Variants in LRBA observed in about 807,000 individuals in gnomAD.
The protein encoded by LRBA is LPS responsive beige-like anchor protein, also known as lipopolysaccharide-responsive and beige-like anchor protein.
LRBA carries 176 observed loss-of-function variants against 330.0 expected under a neutral mutation model. The observed-to-expected ratio is 0.53, with a 90% CI of 0.47 to 0.60. The LOEUF (loss-of-function observed/expected upper bound fraction) is 0.60, where lower values mean the gene tolerates loss of function less well. Ranked by LOEUF, LRBA falls within the 20% of genes least tolerant of loss-of-function variation. The pLI, the probability that LRBA is intolerant of heterozygous loss-of-function variation, is 0.00. For missense variants in LRBA, 3,259 were observed against 3,444.8 expected (o/e 0.95, Z 1.35); for synonymous variants, 1,230 against 1,193.0 (o/e 1.03, Z -0.64).
intron 30 of LRBA, among the ~76,000 whole-genome samples, chr4:150,818,526 G>A (rs1216377902): frequency 4.6e-5 from 6 of 129,122 alleles, no homozygotes; most frequent in Non-Finnish European, 6.5e-5. Flanking sequence ...TAGATATGAC[G>A]AATGTCTGTG....
At chr4:150,846,703 T>G (rs1432627607) in intron 26 of LRBA, among the ~76,000 whole-genome samples, 1 of 152,136 alleles carries the variant, frequency 6.6e-6, no homozygotes, top group Non-Finnish European at 1.5e-5. Context: ...AAATTGCACT[T>G]GTACCCCATA....
intron 40 of LRBA, among the ~76,000 whole-genome samples, chr4:150,558,266 C>T (rs1334745499): frequency 6.6e-6 from 1 of 151,996 alleles, no homozygotes; most frequent in Non-Finnish European, 1.5e-5. Flanking sequence ...GAGTAATGGT[C>T]CATTTCTTTT....
intron 48 of LRBA, among the ~76,000 whole-genome samples, chr4:150,349,149 T>C (rs1736801033): frequency 6.6e-6 from 1 of 152,198 alleles, no homozygotes; most frequent in Non-Finnish European, 1.5e-5. Context: ...TTTAAATATG[T>C]ACTTACATAC....
At chr4:150,279,447 A>C (rs549679822) in intron 55 of LRBA, among the ~76,000 whole-genome samples, 12 of 152,342 alleles carry the variant, frequency 7.9e-5, no homozygotes, top group African/African-American at 2.6e-4. Flanking sequence ...ACCTGGACAC[A>C]GGGGAATACA....
intron 40 of LRBA, among the ~76,000 whole-genome samples, chr4:150,517,608 A>C (rs1268110682): frequency 6.6e-6 from 1 of 152,204 alleles, no homozygotes; most frequent in African/African-American, 2.4e-5. Context: ...AGGATGCATA[A>C]AAGTAAAATG....
At chr4:150,384,196 GC>G (rs1412773455) in intron 47 of LRBA, among the ~76,000 whole-genome samples, 1 of 151,780 alleles carries the variant, frequency 6.6e-6, no homozygotes, top group African/African-American at 2.4e-5. Flanking sequence ...GCACCACCAT[GC>G]CCGGCAAATT....
At chr4:150,960,097 A>T (rs748296675) in intron 2 of LRBA, among the ~76,000 whole-genome samples, 5 of 148,878 alleles carry the variant, frequency 3.4e-5, no homozygotes, top group Admixed American at 6.6e-5. Flanking sequence ...ATACAACTGG[A>T]TAATTAAATA....
intron 2 of LRBA, among the ~76,000 whole-genome samples, chr4:150,961,944 T>G (rs987040916): frequency 6.7e-6 from 1 of 149,304 alleles, no homozygotes; most frequent in Non-Finnish European, 1.5e-5. Flanking sequence ...GTATTTTTAT[T>G]TGAGGAAACT....
At chr4:150,804,494 C>A (rs1201144166) in intron 33 of LRBA, among the ~76,000 whole-genome samples, 3 of 152,164 alleles carry the variant, frequency 2.0e-5, no homozygotes, top group Non-Finnish European at 4.4e-5. Context: ...CCTTGCATTT[C>A]CATTATATCC....
chr4:150,506,158 G>A (rs929860355), intron 40 of LRBA, among the ~76,000 whole-genome samples: 2 of 152,176 alleles, frequency 1.3e-5, no homozygotes, highest in Admixed American at 6.5e-5. Context: ...GCAAGGAGGA[G>A]CTGGTATCAT....
In LRBA at chr4:150,600,654, A is replaced by T. The variant is rs1022429468; in HGVS notation, c.5922-1523T>A. 2.8e-4 allele frequency among the ~76,000 whole-genome samples: 42 copies of T among 152,274 alleles called. 1 individual carries two copies. The highest frequency in any genetic ancestry group is 9.4e-4 in the African/African-American group (39 of 41,582). ...TATAAGAATTGCAGTTCTCAAAAAG[A>T]AAAATTTAAAAAGCTATTATTATAT... On this transcript the variant is annotated intron_variant, in intron 37 of 56. Transcript: ENST00000651943.
chr4:150,761,585 T>C (rs1735092626), intron 35 of LRBA, among the ~76,000 whole-genome samples, 198 bp downstream of exon 35: 1 of 151,960 alleles, frequency 6.6e-6, no homozygotes, highest in Admixed American at 6.6e-5. Flanking sequence ...AAATCAGAAA[T>C]GTATCAGTAA....
At chr4:150,394,963 T>C (rs915173540) in intron 47 of LRBA, among the ~76,000 whole-genome samples, 3 of 152,246 alleles carry the variant, frequency 2.0e-5, no homozygotes, top group Admixed American at 6.5e-5. Context: ...ATTTGCAAGA[T>C]ATATTTATCA....
chr4:150,317,051 G>A (rs927262245), intron 50 of LRBA, among the ~76,000 whole-genome samples: 2 of 152,244 alleles, frequency 1.3e-5, no homozygotes, highest in Middle Eastern at 3.4e-3. Flanking sequence ...GAGGTCCTAT[G>A]TGAAACCTAG....
At chr4:150,723,736 G>A (rs1418578211) in intron 36 of LRBA, among the ~76,000 whole-genome samples, 3 of 152,226 alleles carry the variant, frequency 2.0e-5, no homozygotes, top group Non-Finnish European at 2.9e-5. Context: ...CTACATGGGG[G>A]TAGAGCAATA....
rs540488143 is a variant in LRBA, at chr4:150,705,834, T to C, written c.5755-22117A>G. 3.5e-4 allele frequency among the ~76,000 whole-genome samples: 54 copies of C among 152,118 alleles called. 3 individuals carry two copies. The South Asian group carries it at 0.011, about 32-fold the overall frequency. ...TATATATACTTCAGATCAAAGGCTA[T>C]GTCATACTTAGTAGGGAAACACTGA... On this transcript the variant is annotated intron_variant, in intron 36 of 56. Transcript: ENST00000651943.
rs773791282 is a variant in LRBA, at chr4:151,014,492, A to C, written c.151T>G (p.Leu51Val). ...TCTCCAACTTCAACCAAACCGGTCA[A>C]CACGGCAAATTTCATTCTGATGCCC... ...IRGIRMKFAV[L>V]TGLVEVGEVS... The change falls in exon 2 of 57, where the codon TTG (leucine) becomes GTG (valine). Residue 51 changes from leucine to valine, a missense_variant. Coordinates refer to ENST00000651943, the MANE Select transcript of LRBA (RefSeq NM_001364905.1). The C allele has an allele frequency of 6.2e-7, 1 of 1,614,238 alleles. No individual in the cohort carries two copies. The highest frequency in any genetic ancestry group is 1.1e-5 in the South Asian group (1 of 91,088).
intron 5 of LRBA, among the ~76,000 whole-genome samples, chr4:150,920,373 A>G (rs1368324090): frequency 1.3e-5 from 2 of 152,208 alleles, no homozygotes; most frequent in Non-Finnish European, 2.9e-5. Flanking sequence ...ACATGGCAAA[A>G]CCCCGTCTCT....
chr4:150,396,381 T>C (rs1744732426), intron 47 of LRBA, among the ~76,000 whole-genome samples: 1 of 151,992 alleles, frequency 6.6e-6, no homozygotes, highest in East Asian at 1.9e-4. Context: ...TGGGCTGAAT[T>C]GTACCACCAG....
Sources: allele counts gnomAD v4.1 joint callset (sites outside exome capture counted in the v4.1 genomes callset), GRCh38; gene constraint gnomAD v4.1.1; transcripts MANE v1.5; gene names NCBI Gene and HGNC (gene_info 2026-07-23, HGNC 2026-07-21).